Variants in SPHKAP observed in about 807,000 individuals in gnomAD.
SPHKAP encodes SPHK1 interactor, AKAP domain containing, also known as A-kinase anchor protein SPHKAP.
Under a neutral mutation model 137.5 loss-of-function variants are expected in SPHKAP, and 67 were observed. That is an observed-to-expected ratio of 0.49 (90% CI 0.40 to 0.60). The LOEUF is 0.60. Among genes scored for constraint, SPHKAP ranks in the 20% least tolerant of loss-of-function variants. The pLI is 0.00. For synonymous variants in SPHKAP, 813 were observed against 785.3 expected, an observed-to-expected ratio of 1.04 and a Z score of -0.59; for missense variants, 2,097 against 2,069.3, an observed-to-expected ratio of 1.01 and a Z score of -0.26.
intron 3 of SPHKAP, among the ~76,000 whole-genome samples, chr2:228,076,388 C>T (rs918691616): frequency 4.6e-5 from 7 of 152,134 alleles, no homozygotes; most frequent in African/African-American, 1.7e-4. Flanking sequence ...CAGAAGAAGA[C>T]AGGAAAATGT....
chr2:228,152,529 T>A (rs867652772), intron 1 of SPHKAP, among the ~76,000 whole-genome samples: 79 of 152,188 alleles, frequency 5.2e-4, no homozygotes, highest in African/African-American at 1.5e-3. Flanking sequence ...TTAATTTTTT[T>A]AAAAATCCGG....
In SPHKAP at chr2:227,991,122, A is replaced by C. The variant is rs374543887; in HGVS notation, c.4837T>G (p.Phe1613Val). ...TCTGGACACTCTGGCTCCAGGTCAA[A>C]GTTGATCACCAGCAGGCTCCTCTGG... ...SPQRSLLVIN[F>V]DLEPECPDAE... Residue 1613 changes from phenylalanine to valine, a missense_variant, in exon 11 of 12, where the codon TTT becomes GTT. Transcript: ENST00000392056. 3.1e-6 allele frequency: 5 copies of C among 1,613,998 alleles called. No individual in the cohort carries two copies. The highest frequency in any genetic ancestry group is 4.2e-6 in the Non-Finnish European group (5 of 1,180,034).
chr2:228,175,087 T>C (rs765688127), intron 1 of SPHKAP, among the ~76,000 whole-genome samples: 1 of 149,768 alleles, frequency 6.7e-6, no homozygotes, highest in Non-Finnish European at 1.5e-5. Context: ...TGTATTCTAA[T>C]ATATATGCAA....
At position 228,016,696 on chromosome 2, in the gene SPHKAP, A is replaced by C; in HGVS notation, c.4158T>G (p.Ser1386=). The C allele has an allele frequency of 6.2e-7, 1 of 1,614,172 alleles. No individual in the cohort carries two copies. The highest frequency in any genetic ancestry group is 8.5e-7 in the Non-Finnish European group (1 of 1,180,036). Residue 1386 remains serine (S), a synonymous_variant, in exon 7 of 12, where the codon TCT becomes TCG. Transcript: ENST00000392056. The part of the protein sequence containing the change: ...VTECKQPPVS[S]LSKTASLTNH... ...TTGTAAGAGAAGCAGTTTTGCTCAA[A>C]GATGACACTGGGGGCTGTTTACATT...
At chr2:228,098,000 G>C (rs1019397595) in intron 3 of SPHKAP, among the ~76,000 whole-genome samples, 4 of 152,190 alleles carry the variant, frequency 2.6e-5, no homozygotes, top group African/African-American at 7.2e-5. Context: ...TATATACCCA[G>C]TAATGGGATT....
At chr2:228,007,997 G>C (rs1323149119) in intron 7 of SPHKAP, among the ~76,000 whole-genome samples, 3 of 152,026 alleles carry the variant, frequency 2.0e-5, no homozygotes, top group Non-Finnish European at 4.4e-5. Flanking sequence ...GACTTAAACT[G>C]ATTTAAAAAT....
At chr2:227,998,133 A>G (rs913155403) in intron 7 of SPHKAP, among the ~76,000 whole-genome samples, 2 of 152,098 alleles carry the variant, frequency 1.3e-5, no homozygotes, top group African/African-American at 2.4e-5. Context: ...CGGCCTCCCA[A>G]GTAGCTGGGA....
At chr2:228,121,056 T>A (rs1430178257) in intron 2 of SPHKAP, among the ~76,000 whole-genome samples, 1 of 152,200 alleles carries the variant, frequency 6.6e-6, no homozygotes, top group African/African-American at 2.4e-5. Flanking sequence ...TAGGAAAATA[T>A]ATGAAGTGCG....
At chr2:228,021,137 C>A (rs1665997343) in intron 6 of SPHKAP, among the ~76,000 whole-genome samples, 1 of 152,206 alleles carries the variant, frequency 6.6e-6, no homozygotes, top group Non-Finnish European at 1.5e-5. Flanking sequence ...GTTCATTGAG[C>A]TCTGTGAATG....
At chr2:228,179,592 A>C (rs552802564) in intron 1 of SPHKAP, among the ~76,000 whole-genome samples, 1 of 152,300 alleles carries the variant, frequency 6.6e-6, no homozygotes, top group Admixed American at 6.5e-5. Context: ...AGGCTAATAA[A>C]ATACCGGAAA....
intron 1 of SPHKAP, among the ~76,000 whole-genome samples, chr2:228,154,539 T>C (rs1238007104): frequency 5.4e-5 from 2 of 37,048 alleles, no homozygotes; most frequent in African/African-American, 2.3e-4. Context: ...TATATTTTTT[T>C]TTTTTTTTTT....
chr2:228,159,995 T>C (rs1700227889), intron 1 of SPHKAP, among the ~76,000 whole-genome samples: 1 of 152,236 alleles, frequency 6.6e-6, no homozygotes, highest in African/African-American at 2.4e-5. Context: ...CAAGGGAACC[T>C]GACATTCCCT....
At chr2:227,995,080 A>T (rs1271629667) in intron 8 of SPHKAP, among the ~76,000 whole-genome samples, 1 of 152,206 alleles carries the variant, frequency 6.6e-6, no homozygotes, top group African/African-American at 2.4e-5. Context: ...GGGGAGATAG[A>T]GGGAGGAACA....
At chr2:228,086,343 C>T (rs571032088) in intron 3 of SPHKAP, among the ~76,000 whole-genome samples, 54 of 152,036 alleles carry the variant, frequency 3.6e-4, no homozygotes, top group African/African-American at 1.3e-3. Flanking sequence ...CTCTTCCCAG[C>T]ACAACTTGAC....
At chr2:227,991,370 A>G in intron 9 of SPHKAP, 44 bp from the exon 10 acceptor site, 7 of 1,613,402 alleles carry the variant, frequency 4.3e-6, no homozygotes, top group Non-Finnish European at 5.9e-6. Flanking sequence ...TGTTTAGAAG[A>G]ATAAGCTGTA....
At chr2:228,150,943 A>C (rs963672570) in intron 1 of SPHKAP, among the ~76,000 whole-genome samples, 1 of 151,536 alleles carries the variant, frequency 6.6e-6, no homozygotes, top group African/African-American at 2.4e-5. Context: ...TTTTATTATT[A>C]TTATTATACT....
intron 1 of SPHKAP, among the ~76,000 whole-genome samples, chr2:228,135,834 C>T (rs1175060376): frequency 6.6e-6 from 1 of 152,076 alleles, no homozygotes; most frequent in Admixed American, 6.5e-5. Context: ...TGCAACTTCA[C>T]TACACCCATA....
chr2:228,095,677 CAT>C (rs1318757259), intron 3 of SPHKAP, among the ~76,000 whole-genome samples: 12 of 151,534 alleles, frequency 7.9e-5, no homozygotes, highest in African/African-American at 2.9e-4. Context: ...AAAGAAGGGA[CAT>C]AGTGGCAGTT....
chr2:228,169,175 A>G (rs1330108731), intron 1 of SPHKAP, among the ~76,000 whole-genome samples: 1 of 152,198 alleles, frequency 6.6e-6, no homozygotes, highest in East Asian at 1.9e-4. Flanking sequence ...GCTGATGGAG[A>G]AGCTGCAGAA....
Sources: gnomAD v4.1 joint callset for allele counts (sites outside exome capture counted in the v4.1 genomes callset) on GRCh38, gnomAD v4.1.1 for gene constraint, MANE v1.5 for transcripts, NCBI Gene and HGNC (gene_info 2026-07-23, HGNC 2026-07-21) for gene names.